TBC1D12: variants seen among roughly 807,000 people sequenced by gnomAD.
The protein encoded by TBC1D12 is TBC1 domain family, member 12.
A neutral mutation model predicts 86.7 loss-of-function variants in TBC1D12; 56 were observed. The ratio of observed to expected loss-of-function variants is 0.65; its 90% CI spans 0.52 to 0.81. The LOEUF (loss-of-function observed/expected upper bound fraction) is 0.81, where lower values mean the gene tolerates loss of function less well. TBC1D12 is among the 30% of genes least tolerant of loss of function. The probability of loss-of-function intolerance (pLI) is 0.00; values close to 1 mark genes in which losing one functional copy is unlikely to be tolerated. For synonymous variants in TBC1D12, 421 were observed against 411.7 expected (o/e 1.02, Z -0.27); for missense variants, 1,023 against 1,038.8 (o/e 0.98, Z 0.21).
At chr10:94,520,070 T>C (rs1842103216) in intron 9 of TBC1D12, among the ~76,000 whole-genome samples, 1 of 152,202 alleles carries the variant, frequency 6.6e-6, no homozygotes, top group African/African-American at 2.4e-5. Flanking sequence ...CAAAAAGTAC[T>C]CAGAAGAAGA....
At chr10:94,422,640 C>G (rs2055091067) in intron 1 of TBC1D12, among the ~76,000 whole-genome samples, 7 of 151,882 alleles carry the variant, frequency 4.6e-5, no homozygotes, top group Admixed American at 4.6e-4. Flanking sequence ...AGTGGCGTGA[C>G]CATAGCTCAC....
intron 2 of TBC1D12, among the ~76,000 whole-genome samples, chr10:94,448,580 G>A (rs887910270): frequency 6.6e-6 from 1 of 152,092 alleles, no homozygotes; most frequent in African/African-American, 2.4e-5. Context: ...GGGTTCAAAC[G>A]ATCCTCCCAC....
chr10:94,456,191 CTT>C (rs963563844), intron 2 of TBC1D12, among the ~76,000 whole-genome samples: 1 of 151,876 alleles, frequency 6.6e-6, no homozygotes, highest in Non-Finnish European at 1.5e-5. Flanking sequence ...GATTCCTGCT[CTT>C]TATTTTTTTC....
intron 1 of TBC1D12, among the ~76,000 whole-genome samples, chr10:94,435,420 A>G (rs2055280281): frequency 6.6e-6 from 1 of 152,208 alleles, no homozygotes; most frequent in Non-Finnish European, 1.5e-5. Flanking sequence ...ATACATTACA[A>G]ATGTTACTCT....
At chr10:94,453,284 C>T (rs559307570) in intron 2 of TBC1D12, among the ~76,000 whole-genome samples, 1 of 152,244 alleles carries the variant, frequency 6.6e-6, no homozygotes, top group East Asian at 1.9e-4. Context: ...ATAGTAGTCT[C>T]CCCTTATCAC....
In TBC1D12 at chr10:94,402,759, C is replaced by T. The variant is rs1487793992; in HGVS notation, c.146C>T (p.Pro49Leu). The T allele has an allele frequency of 3.9e-6, 6 of 1,550,268 alleles. No individual in the cohort carries two copies. Among genetic ancestry groups the T allele is most frequent in the South Asian group, 1.2e-5 (1 of 84,486 alleles). The change falls in exon 1 of 13, where the codon CCG (proline) becomes CTG (leucine). Residue 49 changes from proline (P) to leucine (L), a missense_variant. Transcript: ENST00000225235. ...GGAGGCGTCGGCGCTGTGGAGCCGC[C>T]GGAGGAGGCTGACGAGGAGGAGGAG... ...FGGGVGAVEP[P>L]EEADEEEEAD...
At chr10:94,500,794 G>T (rs1276240615) in intron 6 of TBC1D12, among the ~76,000 whole-genome samples, 1 of 152,058 alleles carries the variant, frequency 6.6e-6, no homozygotes, top group Non-Finnish European at 1.5e-5. Context: ...AGTGGCTCAT[G>T]CCTGTAATCC....
rs202015240 is a variant in TBC1D12, at chr10:94,436,144, C to CT, written c.972-5740dup. On this transcript the variant is annotated intron_variant, in intron 1 of 12. Coordinates refer to ENST00000225235, the MANE Select transcript of TBC1D12 (RefSeq NM_015188.2). ...ATATCTTATTTTGGGTCCTTTATTC[C>CT]TTTTTTTTTTTTGAGATGGAGTCTC... Among the ~76,000 whole-genome samples, 550 of 144,092 alleles carry CT rather than the reference C, an allele frequency of 3.8e-3. 3 individuals carry two copies. Among genetic ancestry groups the CT allele is most frequent in the African/African-American group, 0.011 (433 of 39,606 alleles). 94.5% of individuals were successfully genotyped at this position (144,092 alleles called of 152,430 possible). A position where few individuals can be genotyped will look rare whatever the true frequency, so the allele number is the denominator to read the frequency against.
chr10:94,522,862 G>A (rs1222943193), intron 11 of TBC1D12, among the ~76,000 whole-genome samples: 2 of 151,862 alleles, frequency 1.3e-5, no homozygotes, highest in East Asian at 1.9e-4. Context: ...TGACTAACAT[G>A]GTGAAACCCT....
chr10:94,507,028 T>C (rs1394470472), intron 6 of TBC1D12, among the ~76,000 whole-genome samples: 1 of 152,304 alleles, frequency 6.6e-6, no homozygotes, highest in East Asian at 1.9e-4. Flanking sequence ...CAGAAGCATC[T>C]CTTTCTGCCT....
At position 94,533,733 on chromosome 10, in the gene TBC1D12, G is replaced by A. The variant is rs1029550451; in HGVS notation, c.*637G>A. 1.3e-5 allele frequency: 2 copies of A among 152,034 alleles called. No individual in the cohort carries two copies. The highest frequency in any genetic ancestry group is 4.1e-4 in the South Asian group (2 of 4,834). The allele number at this position is 152,034 out of a possible 1,614,324, so 9.4% of individuals were successfully genotyped here. ...ATTTGTTTTTTAAGGGAAATTTTTT[G>A]TCTTCCTTAAGGAATTCCTATCACT... is the stretch of plus-strand genomic sequence containing the variant. On this transcript the variant is annotated 3_prime_UTR_variant, in exon 13 of 13. Coordinates refer to ENST00000225235, the MANE Select transcript of TBC1D12 (RefSeq NM_015188.2).
chr10:94,482,222 C>G (rs905016016), intron 3 of TBC1D12, among the ~76,000 whole-genome samples: 2 of 152,146 alleles, frequency 1.3e-5, no homozygotes, highest in African/African-American at 2.4e-5. Flanking sequence ...AAGTTCTCAT[C>G]ATTTAGCTCT....
At chr10:94,411,728 G>C (rs2134050363) in intron 1 of TBC1D12, among the ~76,000 whole-genome samples, 1 of 152,294 alleles carries the variant, frequency 6.6e-6, no homozygotes. Flanking sequence ...GGAGCCCAAG[G>C]TGGGGGGACT....
At chr10:94,477,683 C>G (rs1047578688) in intron 3 of TBC1D12, among the ~76,000 whole-genome samples, 2 of 152,150 alleles carry the variant, frequency 1.3e-5, no homozygotes, top group African/African-American at 2.4e-5. Flanking sequence ...GAGGCCTGTT[C>G]TGCTTTTGTG....
intron 2 of TBC1D12, among the ~76,000 whole-genome samples, chr10:94,447,310 A>T (rs140776128): frequency 1.2e-4 from 19 of 152,172 alleles, no homozygotes; most frequent in African/African-American, 4.3e-4. Context: ...ATATTTAATT[A>T]TATAGATGTG....
rs914415610 is a variant in TBC1D12 at position 94,449,343 on chromosome 10, C to T, written c.1095+7324C>T. Among the ~76,000 whole-genome samples, 4 of 152,216 alleles carry T rather than the reference C, an allele frequency of 2.6e-5. No homozygotes were observed. In the South Asian group the frequency reaches 8.3e-4, roughly 32 times the overall value. ...CAAAAATGAAGTTTACTACGGTACT[C>T]TTATATGCCAGAAAGTGATGAAATG... On this transcript the variant is annotated intron_variant, in intron 2 of 12. Transcript: ENST00000225235.
intron 1 of TBC1D12, among the ~76,000 whole-genome samples, chr10:94,432,999 G>A (rs1467775433): frequency 6.6e-6 from 1 of 152,044 alleles, no homozygotes; most frequent in African/African-American, 2.4e-5. Flanking sequence ...GAGGTCAGGA[G>A]TTCAAGACCA....
At chr10:94,499,294 C>A (rs1275226939) in intron 5 of TBC1D12, among the ~76,000 whole-genome samples, 2 of 152,146 alleles carry the variant, frequency 1.3e-5, no homozygotes, top group Non-Finnish European at 2.9e-5. Context: ...ACCCTTTGAT[C>A]AACATCTCAC....
At chr10:94,430,617 TGAA>T (rs770172458) in intron 1 of TBC1D12, among the ~76,000 whole-genome samples, 2 of 152,092 alleles carry the variant, frequency 1.3e-5, no homozygotes, top group Non-Finnish European at 2.9e-5. Flanking sequence ...ATAAAAGAAA[TGAA>T]GAAATTTTAG....
Sources: gnomAD v4.1 joint callset for allele counts (sites outside exome capture counted in the v4.1 genomes callset) on GRCh38, gnomAD v4.1.1 for gene constraint, MANE v1.5 for transcripts, NCBI Gene and HGNC (gene_info 2026-07-23, HGNC 2026-07-21) for gene names.